HRH1: variants seen among roughly 807,000 people sequenced by gnomAD.
The protein encoded by HRH1 is histamine H1 receptor.
HRH1 carries 6 observed loss-of-function variants against 10.3 expected under a neutral mutation model. That is an observed-to-expected ratio of 0.58 (90% CI 0.32 to 1.15). HRH1 has a LOEUF of 1.15. Ranked by LOEUF, HRH1 falls within the 50% of genes most tolerant of loss-of-function variation. HRH1 has a pLI of 0.05. For synonymous variants in HRH1, 242 were observed against 236.7 expected (o/e 1.02, Z -0.21); for missense variants, 514 against 615.3 (o/e 0.84, Z 1.74).
At chr3:11,182,755 A>G (rs1937381964) in intron 1 of HRH1, among the ~76,000 whole-genome samples, 1 of 152,080 alleles carries the variant, frequency 6.6e-6, no homozygotes, top group South Asian at 2.1e-4. Context: ...AGTCCTCCCA[A>G]CTGCCCTGAG....
At chr3:11,211,922 A>G (rs960541714) in intron 1 of HRH1, among the ~76,000 whole-genome samples, 3 of 152,224 alleles carry the variant, frequency 2.0e-5, no homozygotes, top group African/African-American at 7.2e-5. Context: ...TTTGAAGTGC[A>G]GTGTCCGGGC....
intron 1 of HRH1, among the ~76,000 whole-genome samples, chr3:11,178,391 C>T (rs1574990747): frequency 1.3e-5 from 2 of 152,204 alleles, no homozygotes; most frequent in South Asian, 4.1e-4. Context: ...CCCCTTATTT[C>T]CCCGTTGGGT....
At chr3:11,167,504 C>T in intron 1 of HRH1, among the ~76,000 whole-genome samples, 1 of 151,678 alleles carries the variant, frequency 6.6e-6, no homozygotes. Context: ...AGGCCCGTGA[C>T]ATCTGCTGTC....
At chr3:11,203,265 C>T (rs1005475896) in intron 1 of HRH1, among the ~76,000 whole-genome samples, 4 of 152,150 alleles carry the variant, frequency 2.6e-5, no homozygotes, top group African/African-American at 4.8e-5. Flanking sequence ...CTTGGGTAAA[C>T]ACCAAGGAGT....
chr3:11,256,774 G>GA (rs1415188896), intron 1 of HRH1, among the ~76,000 whole-genome samples: 1 of 151,986 alleles, frequency 6.6e-6, no homozygotes, highest in African/African-American at 2.4e-5. Context: ...ACTCCAGTCT[G>GA]GCGACAGAGC....
At chr3:11,137,678 T>C (rs1418422682) in intron 1 of HRH1, among the ~76,000 whole-genome samples, 1 of 152,118 alleles carries the variant, frequency 6.6e-6, no homozygotes, top group African/African-American at 2.4e-5. Flanking sequence ...TGTTCTGGCT[T>C]GAGCGTCTGA....
At chr3:11,150,482 C>A (rs531403226), upstream of HRH1, among the ~76,000 whole-genome samples, 4 of 152,264 alleles carry the variant, frequency 2.6e-5, no homozygotes, top group Non-Finnish European at 5.9e-5. Flanking sequence ...GGAGCTGGAC[C>A]GGGCTCCCTG....
chr3:11,188,657 T>C (rs1180750485), intron 1 of HRH1, among the ~76,000 whole-genome samples: 1 of 152,254 alleles, frequency 6.6e-6, no homozygotes, highest in Non-Finnish European at 1.5e-5. Context: ...TCTTGAATGT[T>C]CAACAATAAG....
At chr3:11,138,453 C>T (rs1936228358) in intron 1 of HRH1, among the ~76,000 whole-genome samples, 1 of 152,180 alleles carries the variant, frequency 6.6e-6, no homozygotes, top group African/African-American at 2.4e-5. Context: ...CCACTTCACA[C>T]TCACTAGGAG....
At chr3:11,173,376 A>G (rs764374526) in intron 1 of HRH1, among the ~76,000 whole-genome samples, 8 of 151,522 alleles carry the variant, frequency 5.3e-5, no homozygotes, top group Non-Finnish European at 1.0e-4. Context: ...AATAATAATT[A>G]TATATATATA....
chr3:11,183,441 T>C (rs1403843629), intron 1 of HRH1, among the ~76,000 whole-genome samples: 4 of 151,782 alleles, frequency 2.6e-5, no homozygotes, highest in Non-Finnish European at 5.9e-5. Flanking sequence ...TGGCAACGAG[T>C]AGGTAGGGGT....
At position 11,154,831 on chromosome 3, in the gene HRH1, G is replaced by A. The variant is rs546893812; in HGVS notation, c.-36+277G>A. ...TTTAGCTTCCCCGGGCTTGGGCAGG[G>A]TGCGCGCCCTGAGCGTCCGTCTTTG... On this transcript the variant is annotated intron_variant, in intron 1 of 1. Transcript: ENST00000431010. The surrounding 1 kb of genome is among the most constrained non-coding windows in gnomAD (Gnocchi z 4.4). 2.6e-5 allele frequency among the ~76,000 whole-genome samples: 4 copies of A among 152,290 alleles called. No homozygotes were observed. The highest frequency in any genetic ancestry group is 4.4e-5 in the Non-Finnish European group (3 of 68,022).
intron 1 of HRH1, among the ~76,000 whole-genome samples, chr3:11,172,912 C>CA: frequency 6.6e-6 from 1 of 152,160 alleles, no homozygotes; most frequent in Non-Finnish European, 1.5e-5. Flanking sequence ...CCATGTTAGC[C>CA]AGGATGGTCT....
intron 1 of HRH1, among the ~76,000 whole-genome samples, chr3:11,240,878 T>C (rs1939318582): frequency 1.3e-5 from 2 of 152,214 alleles, no homozygotes; most frequent in African/African-American, 2.4e-5. Flanking sequence ...TCTGACTTAC[T>C]TGACTAGAAT....
At chr3:11,229,463 T>G (rs573568157) in intron 1 of HRH1, among the ~76,000 whole-genome samples, 8 of 152,302 alleles carry the variant, frequency 5.3e-5, no homozygotes, top group Admixed American at 3.9e-4. Context: ...TTTAAGACAG[T>G]GGTGTTTACC....
chr3:11,165,856 GT>G (rs1937020650), intron 1 of HRH1, among the ~76,000 whole-genome samples: 2 of 152,232 alleles, frequency 1.3e-5, no homozygotes, highest in East Asian at 3.8e-4. Context: ...TTATTAGTTT[GT>G]AATATTGCCC....
intron 1 of HRH1, among the ~76,000 whole-genome samples, chr3:11,180,500 TGG>T (rs1352014110): frequency 6.6e-6 from 1 of 152,102 alleles, no homozygotes; most frequent in Non-Finnish European, 1.5e-5. Flanking sequence ...AGAGCTCAGG[TGG>T]TAATGCTTGC....
At chr3:11,251,484 C>T (rs1939649067) in intron 1 of HRH1, among the ~76,000 whole-genome samples, 1 of 152,182 alleles carries the variant, frequency 6.6e-6, no homozygotes, top group Non-Finnish European at 1.5e-5. Context: ...TTTGCTCAGA[C>T]CAGTCATTAG....
chr3:11,251,375 T>C (rs184700), intron 1 of HRH1, among the ~76,000 whole-genome samples: 89,490 of 152,004 alleles, frequency 0.59, 26,992 homozygotes, highest in East Asian at 0.73. Context: ...TTCCCAAAGG[T>C]GTGGACTACT....
Sources: gnomAD v4.1 joint callset for allele counts (sites outside exome capture counted in the v4.1 genomes callset) on GRCh38, gnomAD v4.1.1 for gene constraint, Gnocchi (gnomAD v3.1) non-coding constraint, MANE v1.5 for transcripts, NCBI Gene and HGNC (gene_info 2026-07-23, HGNC 2026-07-21) for gene names.